Variants in CNTNAP2 observed in about 807,000 individuals in gnomAD.
CNTNAP2 encodes contactin associated protein 2, also known as contactin-associated protein-like 2.
In CNTNAP2, 98 loss-of-function variants were observed where a neutral mutation model predicts 155.2. The ratio of observed to expected loss-of-function variants is 0.63; its 90% CI spans 0.54 to 0.75. The LOEUF (loss-of-function observed/expected upper bound fraction) is 0.75. CNTNAP2 is among the 30% of genes least tolerant of loss of function. The probability of loss-of-function intolerance (pLI) is 0.00; values close to 1 mark genes in which losing one functional copy is unlikely to be tolerated. For synonymous variants in CNTNAP2, 651 were observed against 631.2 expected (o/e 1.03, Z -0.47); for missense variants, 1,727 against 1,688.1 (o/e 1.02, Z -0.40).
At chr7:147,065,131 C>T (rs542644491) in intron 4 of CNTNAP2, among the ~76,000 whole-genome samples, 51 of 152,260 alleles carry the variant, frequency 3.3e-4, no homozygotes, top group Non-Finnish European at 7.1e-4. Flanking sequence ...TCCAGCTCTT[C>T]CCTTATTAGC....
chr7:147,401,853 G>T (rs1041409495), intron 10 of CNTNAP2, among the ~76,000 whole-genome samples: 1 of 152,134 alleles, frequency 6.6e-6, no homozygotes. Flanking sequence ...AGCCTCTCCA[G>T]CTGTGTGGGA....
chr7:146,362,332 T>C (rs1795093411), intron 1 of CNTNAP2, among the ~76,000 whole-genome samples: 1 of 151,962 alleles, frequency 6.6e-6, no homozygotes, highest in African/African-American at 2.4e-5. Context: ...TTGTGAAAAG[T>C]GCAAGGAGGA....
intron 8 of CNTNAP2, among the ~76,000 whole-genome samples, chr7:147,206,559 TAAATA>T (rs765182268): frequency 9.2e-5 from 14 of 152,024 alleles, no homozygotes; most frequent in Admixed American, 2.0e-4. Flanking sequence ...CTCCAATGAA[TAAATA>T]AAATAAAATA....
intron 14 of CNTNAP2, among the ~76,000 whole-genome samples, chr7:147,975,291 T>G (rs1801409876): frequency 6.6e-6 from 1 of 152,128 alleles, no homozygotes; most frequent in Admixed American, 6.6e-5. Flanking sequence ...TTATGGTTAC[T>G]TCTGATGGAG....
At chr7:146,685,032 G>C (rs1222184938) in intron 1 of CNTNAP2, among the ~76,000 whole-genome samples, 2 of 152,088 alleles carry the variant, frequency 1.3e-5, no homozygotes, top group Admixed American at 6.5e-5. Context: ...AGTTAATACA[G>C]AGTATTTTAG....
chr7:147,610,023 T>G (rs1314346687), intron 12 of CNTNAP2, among the ~76,000 whole-genome samples: 1 of 152,072 alleles, frequency 6.6e-6, no homozygotes, highest in Non-Finnish European at 1.5e-5. Flanking sequence ...AATCAGTGTG[T>G]TTTTCCCCTC....
At chr7:147,983,617 C>G (rs909036949) in intron 15 of CNTNAP2, among the ~76,000 whole-genome samples, 9 of 152,240 alleles carry the variant, frequency 5.9e-5, no homozygotes, top group African/African-American at 1.7e-4. Context: ...AGACATCAAT[C>G]AATATATGTG....
chr7:146,750,380 A>G (rs1202354839), intron 1 of CNTNAP2, among the ~76,000 whole-genome samples: 1 of 152,120 alleles, frequency 6.6e-6, no homozygotes, highest in Non-Finnish European at 1.5e-5. Flanking sequence ...TCGTCTTACA[A>G]TCATTAATTT....
At chr7:147,460,226 G>A (rs1042725743) in intron 10 of CNTNAP2, among the ~76,000 whole-genome samples, 3 of 152,040 alleles carry the variant, frequency 2.0e-5, no homozygotes, top group South Asian at 4.2e-4. Context: ...AAATGTATAC[G>A]CAGACTCGTA....
Position 147,639,301 on chromosome 7 carries a change from C to A in CNTNAP2, c.2093C>A (p.Thr698Asn). The A allele has an allele frequency of 6.2e-7, 1 of 1,613,782 alleles. No individual in the cohort carries two copies. The highest frequency in any genetic ancestry group is 8.5e-7 in the Non-Finnish European group (1 of 1,179,780). Reference sequence around the variant, plus strand: ...TGCAAGATGTCAAGATTGTTGAACACCCCAGGTAGGCTGAGAATGGAATGT... The same window carrying A: ...TGCAAGATGTCAAGATTGTTGAACAACCCAGGTAGGCTGAGAATGGAATGT... ...YFCKMSRLLN[T>N]PDGSPYTWWV... Residue 698 changes from threonine (T) to asparagine (N), a missense_variant, in exon 13 of 24, where the codon ACC becomes AAC. Physicochemically the swap from Thr to Asn is moderately conservative, Grantham distance 65. Coordinates refer to ENST00000361727, the MANE Select transcript of CNTNAP2 (RefSeq NM_014141.6).
rs866572904 is a variant in CNTNAP2, at chr7:147,865,716, G to T, written c.2099-37849G>T. Among the ~76,000 whole-genome samples the T allele has an allele frequency of 3.2e-4, 49 of 152,344 alleles. 1 individual carries two copies. Among genetic ancestry groups the T allele is most frequent in the African/African-American group, 1.0e-3 (42 of 41,588 alleles). ...CTAGATTTTCTAGTTTATTTGCGTA[G>T]AAGTGTTTATAGTATTCGCTAATGA... On this transcript the variant is annotated intron_variant, in intron 13 of 23. Transcript: ENST00000361727.
chr7:147,337,381 C>A (rs560102362), intron 9 of CNTNAP2, among the ~76,000 whole-genome samples: 75 of 152,082 alleles, frequency 4.9e-4, no homozygotes, highest in Non-Finnish European at 9.3e-4. Flanking sequence ...TTTCAGGACA[C>A]CCTGTTCTGG....
At chr7:146,414,154 A>G (rs747011127) in intron 1 of CNTNAP2, among the ~76,000 whole-genome samples, 1 of 152,182 alleles carries the variant, frequency 6.6e-6, no homozygotes, top group Admixed American at 6.6e-5. Context: ...TCTATTTTAT[A>G]TGCATATATT....
At chr7:147,278,569 G>T (rs1214737591) in intron 8 of CNTNAP2, among the ~76,000 whole-genome samples, 1 of 151,666 alleles carries the variant, frequency 6.6e-6, no homozygotes, top group Non-Finnish European at 1.5e-5. Context: ...TATGACTGCA[G>T]TGGGTGTAAA....
chr7:147,982,383 A>C (rs12537012), intron 15 of CNTNAP2, among the ~76,000 whole-genome samples: 37,250 of 152,124 alleles, frequency 0.24, 5,898 homozygotes, highest in East Asian at 0.56. Flanking sequence ...GCTTCTTCCA[A>C]GGCCATGCCA....
intron 16 of CNTNAP2, chr7:148,133,874 G>C (rs1312480075): frequency 6.6e-6 from 1 of 152,180 alleles, no homozygotes. Flanking sequence ...AAGTTTCCAG[G>C]AGATGCAGCA....
chr7:146,391,221 C>A (rs996645338), intron 1 of CNTNAP2, among the ~76,000 whole-genome samples: 2 of 150,880 alleles, frequency 1.3e-5, no homozygotes, highest in Non-Finnish European at 2.9e-5. Context: ...CTTGATTGAT[C>A]CTGGGACGAA....
intron 1 of CNTNAP2, among the ~76,000 whole-genome samples, chr7:146,744,158 G>A (rs1246840780): frequency 6.8e-6 from 1 of 146,968 alleles, no homozygotes. Context: ...AACCTGGGGG[G>A]AAGAGGTTGC....
In CNTNAP2 at chr7:146,839,912, A is replaced by G. The variant is rs201311931; in HGVS notation, c.402+8A>G. On this transcript the variant is annotated splice_region_variant and intron_variant, in intron 3 of 23. Transcript: ENST00000361727. ...CAAGATGGGAATATCTGGGTAAGTCATTGGCAGGAAAGCAAAGACACAGAA... is the reference window on the plus strand; with the variant it reads ...CAAGATGGGAATATCTGGGTAAGTCGTTGGCAGGAAAGCAAAGACACAGAA... 186 of 1,614,034 alleles carry G rather than the reference A, an allele frequency of 1.2e-4. No individual in the cohort carries two copies. In the Middle Eastern group the frequency reaches 1.3e-3, roughly 11 times the overall value.
Sources: gnomAD v4.1 joint callset for allele counts (sites outside exome capture counted in the v4.1 genomes callset) on GRCh38, gnomAD v4.1.1 for gene constraint, MANE v1.5 for transcripts, NCBI Gene and HGNC (gene_info 2026-07-23, HGNC 2026-07-21) for gene names.